C3orf49: variants seen among roughly 807,000 people sequenced by gnomAD.
C3orf49 encodes chromosome 3 open reading frame 49.
A neutral mutation model predicts 13.3 loss-of-function variants in C3orf49; 27 were observed. That is an observed-to-expected ratio of 2.02 (90% CI 1.49 to 2.79). C3orf49 has a LOEUF of 2.79. C3orf49 is among the 30% of genes most tolerant of loss of function. The probability of loss-of-function intolerance (pLI) is 0.00; values close to 1 mark genes in which losing one functional copy is unlikely to be tolerated. For synonymous variants in C3orf49, 87 were observed against 47.6 expected (o/e 1.83, Z -3.40); for missense variants, 242 against 134.2 (o/e 1.80, Z -3.97).
chr3:63,827,856 C>T (rs1701484819), intron 3 of C3orf49, 131 bp downstream of exon 3: 2 of 568,676 alleles, frequency 3.5e-6, no homozygotes, highest in Non-Finnish European at 6.3e-6. Context: ...CTTCTGTCTC[C>T]TCTCCAAGAA....
chr3:63,842,416 A>C (rs943188102), intron 5 of C3orf49, among the ~76,000 whole-genome samples: 3 of 152,152 alleles, frequency 2.0e-5, no homozygotes, highest in African/African-American at 7.2e-5. Context: ...GTCCTCAAAA[A>C]ACTGAAAATA....
chr3:63,797,981 G>T, the C3orf49 span, among the ~76,000 whole-genome samples: 3 of 152,140 alleles, frequency 2.0e-5, no homozygotes, highest in African/African-American at 7.2e-5. Context: ...CCCAGAGATA[G>T]ATCATATTAG....
At chr3:63,797,990 A>C in the C3orf49 span, among the ~76,000 whole-genome samples, 2 of 152,312 alleles carry the variant, frequency 1.3e-5, no homozygotes, top group East Asian at 3.9e-4. Flanking sequence ...AGATCATATT[A>C]GATCAATCTT....
In C3orf49 at chr3:63,823,296, G is replaced by A. The variant is rs1222083257; in HGVS notation, c.172G>A (p.Val58Ile). The A allele has an allele frequency of 2.8e-6, 2 of 702,948 alleles. No homozygotes were observed. Among genetic ancestry groups the A allele is most frequent in the South Asian group, 1.5e-5 (1 of 67,594 alleles). The allele number at this position is 702,948 out of a possible 1,614,324, so 43.5% of individuals were successfully genotyped here. Residue 58 changes from valine (V) to isoleucine (I), a missense_variant, in exon 2 of 7, where the codon GTC becomes ATC. Transcript: ENST00000295896. ...CAACTTACTAAAACAAAATGTATTG[G>A]TCCCTAAAGAGGAATCATCCAGTGA... ...STNLLKQNVLVPKEESSSDSD... is the reference protein window; with the variant it reads ...STNLLKQNVLIPKEESSSDSD...
chr3:63,791,495 A>C, the C3orf49 span, among the ~76,000 whole-genome samples: 1 of 152,206 alleles, frequency 6.6e-6, no homozygotes, highest in Non-Finnish European at 1.5e-5. Context: ...TGAGCAAATG[A>C]GAAGGCACCC....
chr3:63,821,478 T>C (rs560239628), intron 1 of C3orf49, among the ~76,000 whole-genome samples: 48 of 152,258 alleles, frequency 3.2e-4, no homozygotes, highest in African/African-American at 1.0e-3. Flanking sequence ...AAAACTTATG[T>C]TCATACAAAA....
chr3:63,835,010 A>G, intron 5 of C3orf49: 1 of 721,310 alleles, frequency 1.4e-6, no homozygotes, highest in Non-Finnish European at 2.2e-6. Context: ...AAAGTTGAAC[A>G]TGAGTACCTT....
chr3:63,825,046 G>C (rs1258654093), intron 2 of C3orf49, among the ~76,000 whole-genome samples: 1 of 152,030 alleles, frequency 6.6e-6, no homozygotes, highest in African/African-American at 2.4e-5. Flanking sequence ...TGAAGTTATA[G>C]TTTACATTAG....
chr3:63,819,393 T>C lies in C3orf49; in HGVS notation c.-79T>C. The C allele has an allele frequency of 1.5e-6, 1 of 671,072 alleles. No homozygotes were observed. Among genetic ancestry groups the C allele is most frequent in the Non-Finnish European group, 2.7e-6 (1 of 369,966 alleles). The allele number at this position is 671,072 out of a possible 1,614,324, so 41.6% of individuals were successfully genotyped here. On this transcript the variant is annotated 5_prime_UTR_variant, in exon 1 of 7. Coordinates refer to ENST00000295896, the MANE Select transcript of C3orf49 (RefSeq NM_001355236.2). ...ACACCTTGACAGTACATTCAGTCAC[T>C]GGATGATTTTGTATTGAAGTCTGTA...
intron 6 of C3orf49, among the ~76,000 whole-genome samples, chr3:63,845,867 C>A (rs1401369941): frequency 6.6e-6 from 1 of 152,088 alleles, no homozygotes; most frequent in Non-Finnish European, 1.5e-5. Context: ...TTACAAATGG[C>A]AAAATCTTAC....
chr3:63,802,721 T>A, the C3orf49 span, among the ~76,000 whole-genome samples: 2 of 152,182 alleles, frequency 1.3e-5, no homozygotes, highest in Non-Finnish European at 2.9e-5. Context: ...TTTAGAATCT[T>A]CTTGCTAATC....
At chr3:63,817,135 G>C (rs1269936852), upstream of C3orf49, among the ~76,000 whole-genome samples, 1 of 151,970 alleles carries the variant, frequency 6.6e-6, no homozygotes. Flanking sequence ...GGCACATGCT[G>C]TTTCATCTGC....
chr3:63,787,486 T>C, the C3orf49 span, among the ~76,000 whole-genome samples: 2 of 152,214 alleles, frequency 1.3e-5, no homozygotes, highest in South Asian at 2.1e-4. Flanking sequence ...GCAATGCACA[T>C]GGGGAAGCTA....
rs531600198 is a variant in C3orf49, at chr3:63,826,514, A to G, written c.446-1087A>G. On this transcript the variant is annotated intron_variant, in intron 2 of 6. Coordinates refer to ENST00000295896, the MANE Select transcript of C3orf49 (RefSeq NM_001355236.2). ...AGGTGGAGGCATCATTCACTAATAT[A>G]AGGAGCAATGGACCTGGATTGAAAA... 5.3e-4 allele frequency among the ~76,000 whole-genome samples: 81 copies of G among 152,252 alleles called. 1 individual carries two copies. In the South Asian group the frequency reaches 5.8e-3, roughly 11 times the overall value.
the C3orf49 span, among the ~76,000 whole-genome samples, chr3:63,788,882 A>G: frequency 3.9e-5 from 6 of 152,188 alleles, no homozygotes; most frequent in African/African-American, 1.4e-4. Context: ...AGTTCGGTTG[A>G]TCGACCCAGA....
At chr3:63,845,109 T>TGG in intron 6 of C3orf49, 27 bp downstream of exon 6, 4 of 687,052 alleles carry the variant, frequency 5.8e-6, no homozygotes, top group East Asian at 5.4e-5. Context: ...TTTCTGGGGG[T>TGG]GGGGGGTACT....
chr3:63,824,930 T>G lies in C3orf49; in HGVS notation c.445+1361T>G, dbSNP rs948887929. ...GAACAGAAAATGTAGAGTTCCCATA[T>G]ATGCCCTCCCTTCCCTGATCCCCAC... On this transcript the variant is annotated intron_variant, in intron 2 of 6. Coordinates refer to ENST00000295896, the MANE Select transcript of C3orf49 (RefSeq NM_001355236.2). 1.3e-4 allele frequency among the ~76,000 whole-genome samples: 20 copies of G among 152,088 alleles called. No homozygotes were observed. The South Asian group carries it at 2.3e-3, about 17-fold the overall frequency.
At chr3:63,826,121 A>C (rs545873265) in intron 2 of C3orf49, among the ~76,000 whole-genome samples, 81 of 152,346 alleles carry the variant, frequency 5.3e-4, no homozygotes, top group Non-Finnish European at 7.3e-4. Context: ...TGGTTGAATT[A>C]GGTAGTAAGG....
At chr3:63,807,011 G>A in the C3orf49 span, among the ~76,000 whole-genome samples, 1 of 151,900 alleles carries the variant, frequency 6.6e-6, no homozygotes, top group Non-Finnish European at 1.5e-5. Flanking sequence ...GAGTACAGTG[G>A]CATGATCTTG....
Sources: gnomAD v4.1 joint callset for allele counts (sites outside exome capture counted in the v4.1 genomes callset) on GRCh38, gnomAD v4.1.1 for gene constraint, MANE v1.5 for transcripts, NCBI Gene and HGNC (gene_info 2026-07-23, HGNC 2026-07-21) for gene names.